PODXL: variants seen among roughly 807,000 people sequenced by gnomAD.
The protein encoded by PODXL is podocalyxin.
Under a neutral mutation model 48.9 loss-of-function variants are expected in PODXL, and 20 were observed. The observed-to-expected ratio is 0.41, with a 90% CI of 0.29 to 0.59. PODXL has a LOEUF of 0.59. Among genes scored for constraint, PODXL ranks in the 20% least tolerant of loss-of-function variants. The pLI, the probability that PODXL is intolerant of heterozygous loss-of-function variation, is 0.31. For missense variants in PODXL, 606 were observed against 675.1 expected (o/e 0.90, Z 1.13); for synonymous variants, 295 against 287.4 (o/e 1.03, Z -0.27).
chr7:131,550,539 A>G (rs1798651690), intron 1 of PODXL, among the ~76,000 whole-genome samples: 1 of 152,088 alleles, frequency 6.6e-6, no homozygotes, highest in Non-Finnish European at 1.5e-5. Flanking sequence ...CCAGCTACTC[A>G]GGAGGCTGAG....
chr7:131,511,127 G>T lies in PODXL; in HGVS notation c.407C>A (p.Thr136Asn). ...TKSADTTTVATSTATAKPNTT... is the reference protein window; with the variant it reads ...TKSADTTTVANSTATAKPNTT... ...GTTAGGTTTAGCTGTGGCTGTGGAG[G>T]TTGCAACTGTAGTGGTGTCTGCACT... The change falls in exon 2 of 9, where the codon ACC becomes AAC. Residue 136 changes from threonine to asparagine, a missense_variant. Coordinates refer to ENST00000378555, the MANE Select transcript of PODXL (RefSeq NM_001018111.3). 6.2e-7 allele frequency: 1 copy of T among 1,613,902 alleles called. No individual in the cohort carries two copies. The highest frequency in any genetic ancestry group is 8.5e-7 in the Non-Finnish European group (1 of 1,179,990).
chr7:131,549,739 C>T (rs1210618205), intron 1 of PODXL, among the ~76,000 whole-genome samples: 1 of 152,216 alleles, frequency 6.6e-6, no homozygotes, highest in Non-Finnish European at 1.5e-5. Context: ...AATTCTCTTC[C>T]CCCTGAGTGG....
chr7:131,525,586 G>C (rs746760247), intron 1 of PODXL, among the ~76,000 whole-genome samples: 13 of 150,442 alleles, frequency 8.6e-5, no homozygotes, highest in Non-Finnish European at 1.5e-4. Flanking sequence ...GGAGACAAGA[G>C]CAAAACTCCA....
chr7:131,511,348 C>T lies in PODXL; in HGVS notation c.186G>A (p.Gln62=). 1 of 1,611,654 alleles carries T rather than the reference C, an allele frequency of 6.2e-7. No homozygotes were observed. The highest frequency in any genetic ancestry group is 1.7e-5 in the Admixed American group (1 of 60,020). The change falls in exon 2 of 9, where the codon CAG becomes CAA. Residue 62 remains glutamine (Q), a synonymous_variant. Coordinates refer to ENST00000378555, the MANE Select transcript of PODXL (RefSeq NM_001018111.3). ...SVTIMATDTA[Q]QSTVPTSKAN... Reference sequence around the variant, plus strand: ...CCTTGGAAGTGGGGACTGTGCTCTGCTGGGCTGTATCTGTAGCCATGATGG... The same window carrying T: ...CCTTGGAAGTGGGGACTGTGCTCTGTTGGGCTGTATCTGTAGCCATGATGG...
intron 1 of PODXL, among the ~76,000 whole-genome samples, chr7:131,543,809 C>T (rs1170983439): frequency 6.6e-6 from 1 of 152,172 alleles, no homozygotes; most frequent in Non-Finnish European, 1.5e-5. Flanking sequence ...CCCCCCTTCA[C>T]ATTACCCAGG....
chr7:131,520,161 G>A, intron 1 of PODXL: 1 of 245,076 alleles, frequency 4.1e-6, no homozygotes, highest in Admixed American at 5.0e-5. Flanking sequence ...AGAGGGTGGT[G>A]AGAAGAAAGG....
chr7:131,524,188 A>G (rs1367285977), intron 1 of PODXL, among the ~76,000 whole-genome samples: 1 of 152,110 alleles, frequency 6.6e-6, no homozygotes, highest in South Asian at 2.1e-4. Context: ...AACTTCCCTC[A>G]CCTAATTAGT....
intron 1 of PODXL, among the ~76,000 whole-genome samples, chr7:131,546,322 C>T (rs1372196243): frequency 1.3e-5 from 2 of 152,078 alleles, no homozygotes; most frequent in African/African-American, 4.8e-5. Context: ...CAATCACAAG[C>T]GCCATTTATC....
At chr7:131,517,596 G>T (rs139344517) in intron 1 of PODXL, among the ~76,000 whole-genome samples, 1 of 152,162 alleles carries the variant, frequency 6.6e-6, no homozygotes, top group African/African-American at 2.4e-5. Flanking sequence ...GAGGCTAGAC[G>T]TCCAAAATTG....
chr7:131,526,288 A>G (rs538141714), intron 1 of PODXL, among the ~76,000 whole-genome samples: 1 of 152,218 alleles, frequency 6.6e-6, no homozygotes, highest in African/African-American at 2.4e-5. Context: ...AAGAGCTCAT[A>G]ATGGCCAAAC....
intron 1 of PODXL, among the ~76,000 whole-genome samples, chr7:131,518,218 A>T (rs1339112771): frequency 6.6e-6 from 1 of 152,284 alleles, no homozygotes; most frequent in East Asian, 1.9e-4. Flanking sequence ...GGGGAATGCC[A>T]TTCGCTCTCC....
chr7:131,524,391 G>GAGAGAGAGAGAGAGAGAGAGAGAA (rs1798145444), intron 1 of PODXL, among the ~76,000 whole-genome samples: 1 of 149,972 alleles, frequency 6.7e-6, no homozygotes, highest in Non-Finnish European at 1.5e-5. Context: ...GAGAGAGAGA[G>GAGAGAGAGAGAGAGAGAGAGAGAA]AGAGAGAGAG....
At chr7:131,531,522 G>A (rs887552247) in intron 1 of PODXL, among the ~76,000 whole-genome samples, 2 of 152,118 alleles carry the variant, frequency 1.3e-5, no homozygotes, top group African/African-American at 4.8e-5. Context: ...TCCTAGATCA[G>A]TTTACCTACG....
rs932182949 is a variant in PODXL at position 131,503,708 on chromosome 7, G to C, written c.*603C>G. On this transcript the variant is annotated 3_prime_UTR_variant, in exon 9 of 9. Transcript: ENST00000378555. Reference sequence around the variant, plus strand: ...GAACAAACACTGAGTGTAGGGAGGGGTAAGAACATAGAGGGTGGGAAGATG... The same window carrying C: ...GAACAAACACTGAGTGTAGGGAGGGCTAAGAACATAGAGGGTGGGAAGATG... 1 of 155,598 alleles carries C rather than the reference G, an allele frequency of 6.4e-6. No homozygotes were observed. Among genetic ancestry groups the C allele is most frequent in the Middle Eastern group, 3.1e-3 (1 of 322 alleles). The allele number at this position is 155,598 out of a possible 1,614,324, so 9.6% of individuals were successfully genotyped here. A position where few individuals can be genotyped will look rare whatever the true frequency, so the allele number is the denominator to read the frequency against.
chr7:131,546,380 A>G (rs772928494), intron 1 of PODXL, among the ~76,000 whole-genome samples: 25 of 152,192 alleles, frequency 1.6e-4, no homozygotes, highest in Non-Finnish European at 3.4e-4. Flanking sequence ...TAACCACGTT[A>G]TGGGCTAACC....
At chr7:131,507,340 C>T (rs745480233) in intron 5 of PODXL, among the ~76,000 whole-genome samples, 20 of 152,192 alleles carry the variant, frequency 1.3e-4, no homozygotes, top group Non-Finnish European at 1.9e-4. Flanking sequence ...CTTGAAGCTA[C>T]CCCTAGGATA....
rs149217208 is a variant in PODXL at position 131,518,251 on chromosome 7, G to A, written c.101-6818C>T. ...TCCTGATCTGCTCTCCTATATCCTC[G>A]TGAAAATACCAGGAGTCTTTCAAAC... On this transcript the variant is annotated intron_variant, in intron 1 of 8. Transcript: ENST00000378555. 1.7e-4 allele frequency among the ~76,000 whole-genome samples: 26 copies of A among 152,254 alleles called. No individual in the cohort carries two copies. In the East Asian group the frequency reaches 3.9e-3, roughly 23 times the overall value.
chr7:131,506,440 A>T (rs1039320982), intron 6 of PODXL, 119 bp from the exon 7 acceptor site: 24 of 1,432,928 alleles, frequency 1.7e-5, no homozygotes, highest in Non-Finnish European at 2.4e-5. Flanking sequence ...CTCTCGGGTG[A>T]CCTGGGAGGG....
intron 1 of PODXL, among the ~76,000 whole-genome samples, chr7:131,550,675 AT>A (rs1239377738): frequency 2.6e-5 from 4 of 151,940 alleles, no homozygotes; most frequent in Non-Finnish European, 5.9e-5. Flanking sequence ...TATAAAGGGG[AT>A]TTGGTGAGTT....
Sources: gnomAD v4.1 joint callset for allele counts (sites outside exome capture counted in the v4.1 genomes callset) on GRCh38, gnomAD v4.1.1 for gene constraint, MANE v1.5 for transcripts, NCBI Gene and HGNC (gene_info 2026-07-23, HGNC 2026-07-21) for gene names.